The following TEAD4 variants were observed in gnomAD, a reference collection of about 807,000 sequenced individuals.
The protein encoded by TEAD4 is transcriptional enhancer factor TEF-3.
A neutral mutation model predicts 52.4 loss-of-function variants in TEAD4; 36 were observed. The observed-to-expected ratio is 0.69, with a 90% CI of 0.53 to 0.91. The LOEUF is 0.91. TEAD4 is among the 40% of genes least tolerant of loss of function. The pLI is 0.00. For missense variants in TEAD4, 508 were observed against 583.9 expected (o/e 0.87, Z 1.34); for synonymous variants, 220 against 231.0 (o/e 0.95, Z 0.43).
At chr12:3,002,185 G>A (rs1002382313) in intron 3 of TEAD4, among the ~76,000 whole-genome samples, 13 of 152,186 alleles carry the variant, frequency 8.5e-5, no homozygotes, top group African/African-American at 2.7e-4. Flanking sequence ...ATGTTGTAGC[G>A]TGTTTCAGAA....
Position 3,040,656 on chromosome 12 carries a change from A to C in TEAD4, c.*178A>C. ...GTGCCCAACCCCAAATAAACCCAAG[A>C]TGCTGTGTATTTTCAGAGGACCTGG... On this transcript the variant is annotated 3_prime_UTR_variant, in exon 13 of 13. Coordinates refer to ENST00000359864, the MANE Select transcript of TEAD4 (RefSeq NM_003213.4). The C allele has an allele frequency of 1.6e-6, 1 of 613,254 alleles. No homozygotes were observed. Among genetic ancestry groups the C allele is most frequent in the East Asian group, 2.8e-5 (1 of 35,756 alleles). 38.0% of individuals were successfully genotyped at this position (613,254 alleles called of 1,614,324 possible). A position where few individuals can be genotyped will look rare whatever the true frequency, so the allele number is the denominator to read the frequency against.
At chr12:3,036,017 C>T (rs1218513634) in intron 10 of TEAD4, among the ~76,000 whole-genome samples, 1 of 151,996 alleles carries the variant, frequency 6.6e-6, no homozygotes, top group African/African-American at 2.4e-5. Flanking sequence ...CCCCTCCCTC[C>T]CAGCATCACA....
In TEAD4 at chr12:3,032,722, G is replaced by A. The variant is rs569073298; in HGVS notation, c.898-5246G>A. 6.3e-3 allele frequency among the ~76,000 whole-genome samples: 389 copies of A among 61,330 alleles called. 3 individuals are homozygous for A. The highest frequency in any genetic ancestry group is 0.01 in the African/African-American group (366 of 35,992). The allele number at this position is 61,330 out of a possible 152,430, so 40.2% of individuals were successfully genotyped here. The stretch of plus-strand genomic sequence containing the variant: ...TTGCCTGAGCCCTCTGAGTGCCAGC[G>A]GCCTGGGCAGGTGAAATCAGAGATG... On this transcript the variant is annotated intron_variant, in intron 10 of 12. Transcript: ENST00000359864.
At chr12:3,015,284 C>G (rs970034783) in intron 5 of TEAD4, among the ~76,000 whole-genome samples, 49 of 152,200 alleles carry the variant, frequency 3.2e-4, no homozygotes, top group African/African-American at 1.1e-3. Flanking sequence ...TCCAAGCTCA[C>G]CTGGTCACCA....
intron 8 of TEAD4, among the ~76,000 whole-genome samples, chr12:3,019,544 C>A (rs1218795519): frequency 6.6e-6 from 1 of 152,210 alleles, no homozygotes; most frequent in Non-Finnish European, 1.5e-5. Context: ...GTGTCTAGCT[C>A]ACCAGCCTGG....
At chr12:2,966,290 T>C (rs969498089) in intron 2 of TEAD4, among the ~76,000 whole-genome samples, 13 of 152,182 alleles carry the variant, frequency 8.5e-5, no homozygotes, top group African/African-American at 2.9e-4. Context: ...CTTGTGTTAC[T>C]GTGAAGAGGT....
chr12:3,032,281 G>T (rs775822541), intron 10 of TEAD4, among the ~76,000 whole-genome samples: 1 of 152,232 alleles, frequency 6.6e-6, no homozygotes. Flanking sequence ...AAAGACATGG[G>T]ATTCAGCAGG....
intron 10 of TEAD4, among the ~76,000 whole-genome samples, chr12:3,032,671 G>C (rs990138210): frequency 6.6e-6 from 1 of 152,208 alleles, no homozygotes; most frequent in African/African-American, 2.4e-5. Context: ...TGAGTGGGGG[G>C]CTGTGGCCTG....
At chr12:3,021,530 T>C (rs112426671) in intron 9 of TEAD4, among the ~76,000 whole-genome samples, 162 of 152,168 alleles carry the variant, frequency 1.1e-3, no homozygotes, top group African/African-American at 3.6e-3. Context: ...AGGCTGGTCT[T>C]GAACTCCTGA....
intron 3 of TEAD4, among the ~76,000 whole-genome samples, chr12:3,001,094 A>G (rs368889185): frequency 1.2e-4 from 18 of 152,276 alleles, no homozygotes; most frequent in Middle Eastern, 3.4e-3. Context: ...GAGTGTTCAA[A>G]TCTACTCTGT....
At chr12:3,002,496 A>G (rs2098252512) in intron 3 of TEAD4, among the ~76,000 whole-genome samples, 1 of 152,240 alleles carries the variant, frequency 6.6e-6, no homozygotes, top group Admixed American at 6.5e-5. Flanking sequence ...CTGATTTCGC[A>G]TATCCTCATC....
In TEAD4 at chr12:2,971,728, G is replaced by A. The variant is rs147944667; in HGVS notation, c.-30+11688G>A. Among the ~76,000 whole-genome samples, 524 of 151,646 alleles carry A rather than the reference G, an allele frequency of 3.5e-3. 4 individuals carry two copies. Among genetic ancestry groups the A allele is most frequent in the Middle Eastern group, 0.014 (4 of 288 alleles). Reference sequence around the variant, plus strand: ...CTGACCTCATGATCTGCCCGCCACGGCCTCCCAAAGTGCTGGGATTACAGG... The same window carrying A: ...CTGACCTCATGATCTGCCCGCCACGACCTCCCAAAGTGCTGGGATTACAGG... On this transcript the variant is annotated intron_variant, in intron 2 of 12. Coordinates refer to ENST00000359864, the MANE Select transcript of TEAD4 (RefSeq NM_003213.4).
At chr12:2,969,873 C>T (rs1188321506) in intron 2 of TEAD4, among the ~76,000 whole-genome samples, 1 of 152,162 alleles carries the variant, frequency 6.6e-6, no homozygotes, top group Non-Finnish European at 1.5e-5. Flanking sequence ...GCTATCAGTG[C>T]AGACTCCAGA....
chr12:3,032,478 C>T (rs764244857), intron 10 of TEAD4, among the ~76,000 whole-genome samples: 60 of 152,154 alleles, frequency 3.9e-4, no homozygotes, highest in Non-Finnish European at 7.4e-4. Context: ...TGGCAGGGCA[C>T]GGTGGGCAGC....
chr12:3,008,780 C>T (rs1352614614), intron 3 of TEAD4, among the ~76,000 whole-genome samples: 1 of 152,152 alleles, frequency 6.6e-6, no homozygotes, highest in East Asian at 1.9e-4. Flanking sequence ...GAGAGTCTAA[C>T]AAGGAAAGAC....
chr12:2,965,119 C>T (rs1322104809), intron 2 of TEAD4, among the ~76,000 whole-genome samples: 1 of 152,100 alleles, frequency 6.6e-6, no homozygotes, highest in Non-Finnish European at 1.5e-5. Flanking sequence ...TGGCAGACTC[C>T]TAGAATTGAT....
At chr12:2,984,508 A>T (rs1389213755) in intron 2 of TEAD4, among the ~76,000 whole-genome samples, 1 of 152,112 alleles carries the variant, frequency 6.6e-6, no homozygotes, top group Non-Finnish European at 1.5e-5. Context: ...AAGAGGGAAA[A>T]GTCAAAACAG....
chr12:3,018,077 T>G (rs2098265866), intron 6 of TEAD4, among the ~76,000 whole-genome samples: 1 of 152,176 alleles, frequency 6.6e-6, no homozygotes, highest in Admixed American at 6.5e-5. Context: ...AAATGAGTCT[T>G]CAAGGCACCT....
At chr12:2,978,164 G>C (rs2098231243) in intron 2 of TEAD4, among the ~76,000 whole-genome samples, 1 of 151,878 alleles carries the variant, frequency 6.6e-6, no homozygotes. Context: ...TTCCTTCTCT[G>C]CCCTCTTCTT....
Sources: allele counts gnomAD v4.1 joint callset (sites outside exome capture counted in the v4.1 genomes callset), GRCh38; gene constraint gnomAD v4.1.1; transcripts MANE v1.5; gene names NCBI Gene and HGNC (gene_info 2026-07-23, HGNC 2026-07-21).